The following TMEM8B variants were observed in gnomAD, a reference collection of about 807,000 sequenced individuals.
The protein encoded by TMEM8B is transmembrane protein 8B.
In TMEM8B, 29 loss-of-function variants were observed where a neutral mutation model predicts 49.3. The ratio of observed to expected loss-of-function variants is 0.59; its 90% CI spans 0.44 to 0.80. The LOEUF (loss-of-function observed/expected upper bound fraction) is 0.80. Among genes scored for constraint, TMEM8B ranks in the 30% least tolerant of loss-of-function variants. The pLI is 0.00. For missense variants in TMEM8B, 575 were observed against 658.5 expected (o/e 0.87, Z 1.39); for synonymous variants, 264 against 272.8 (o/e 0.97, Z 0.32).
intron 10 of TMEM8B, among the ~76,000 whole-genome samples, chr9:35,847,592 G>A (rs1831730997): frequency 6.6e-6 from 1 of 152,140 alleles, no homozygotes; most frequent in South Asian, 2.1e-4. Context: ...TCTCTATTGG[G>A]GGATTATAGG....
chr9:35,846,269 G>A lies in TMEM8B; in HGVS notation c.1741G>A (p.Gly581Ser). 1 of 1,614,184 alleles carries A rather than the reference G, an allele frequency of 6.2e-7. No homozygotes were observed. Among genetic ancestry groups the A allele is most frequent in the Non-Finnish European group, 8.5e-7 (1 of 1,180,032 alleles). The change falls in exon 8 of 13, where the codon GGC (glycine) becomes AGC (serine). Residue 581 changes from glycine (G) to serine (S), a missense_variant. Coordinates refer to ENST00000643932, the MANE Select transcript of TMEM8B (RefSeq NM_001042590.4). ...AVTCSKESLA[G>S]FLLSVSATTR... The stretch of plus-strand genomic sequence containing the variant: ...CCTTCTCCCTTCAGAGTCCCTGGCC[G>A]GCTTCCTCCTCTCTGTCAGTGCCAC...
At position 35,855,478 on chromosome 9, in the gene TMEM8B, C is replaced by T. The variant is rs943472214; in HGVS notation, c.*1638C>T. On this transcript the variant is annotated 3_prime_UTR_variant, in exon 13 of 13. Transcript: ENST00000643932. Reference sequence around the variant, plus strand: ...GTGCGATCTCAGCTCACTGCAACCTCTGCCTCCCGGGTTCAAGTGATTCTC... The same window carrying T: ...GTGCGATCTCAGCTCACTGCAACCTTTGCCTCCCGGGTTCAAGTGATTCTC... 1 of 152,248 alleles carries T rather than the reference C, an allele frequency of 6.6e-6. No homozygotes were observed. Among genetic ancestry groups the T allele is most frequent in the African/African-American group, 2.4e-5 (1 of 41,396 alleles). 9.4% of individuals were successfully genotyped at this position (152,248 alleles called of 1,614,324 possible).
In TMEM8B at chr9:35,865,402, C is replaced by G. The variant is rs934812366; in HGVS notation, c.*11562C>G. 2 of 152,108 alleles carry G rather than the reference C, an allele frequency of 1.3e-5. No homozygotes were observed. The highest frequency in any genetic ancestry group is 4.1e-4 in the South Asian group (2 of 4,826). The allele number at this position is 152,108 out of a possible 1,614,324, so 9.4% of individuals were successfully genotyped here. ...TTACAGATTTCTTTATTCCTGTTCC[C>G]TCCCCTCCCCTTCCTGTCCTTTCAC... On this transcript the variant is annotated 3_prime_UTR_variant, in exon 13 of 13. Transcript: ENST00000643932.
At chr9:35,839,413 G>A (rs777315351) in intron 3 of TMEM8B, among the ~76,000 whole-genome samples, 11 of 152,076 alleles carry the variant, frequency 7.2e-5, no homozygotes, top group Non-Finnish European at 1.3e-4. Context: ...CCTGACTTCC[G>A]GTGCTCTTTC....
chr9:35,831,106 A>T (rs2132196984), intron 1 of TMEM8B, among the ~76,000 whole-genome samples: 1 of 152,324 alleles, frequency 6.6e-6, no homozygotes, highest in Non-Finnish European at 1.5e-5. Flanking sequence ...AAACTTAAGG[A>T]GACGAATGCA....
At chr9:35,839,630 C>T (rs1248087539) in intron 3 of TMEM8B, among the ~76,000 whole-genome samples, 1 of 152,244 alleles carries the variant, frequency 6.6e-6, no homozygotes, top group Non-Finnish European at 1.5e-5. Flanking sequence ...AGTGTTCCTT[C>T]CCTGGACTGT....
At chr9:35,845,952 A>G (rs1831488988) in intron 6 of TMEM8B, 23 bp from the exon 7 acceptor site, 6 of 1,613,488 alleles carry the variant, frequency 3.7e-6, no homozygotes, top group Non-Finnish European at 5.1e-6. Context: ...TGGCGGCCTC[A>G]CTTCCATACC....
intron 3 of TMEM8B, among the ~76,000 whole-genome samples, chr9:35,840,465 A>G (rs1352112872): frequency 2.0e-5 from 3 of 152,178 alleles, no homozygotes; most frequent in South Asian, 2.1e-4. Context: ...GTCTGGAGGA[A>G]CAAACATCAA....
In TMEM8B at chr9:35,829,752, C is replaced by T. The variant is rs912295569; in HGVS notation, c.305C>T (p.Pro102Leu). Reference sequence around the variant, plus strand: ...CCCTTCCTTCCATCCCACTCCCTGCCCTTGTTCAAGCCCCAGTGTCCAGCC... The same window carrying T: ...CCCTTCCTTCCATCCCACTCCCTGCTCTTGTTCAAGCCCCAGTGTCCAGCC... The part of the protein sequence containing the change: ...SQPFLPSHSL[P>L]LFKPQCPAQP... Residue 102 changes from proline to leucine, a missense_variant, in exon 1 of 13, where the codon CCC becomes CTC. By Grantham distance (98) the Pro-to-Leu change is moderately conservative (BLOSUM62 -3). Coordinates refer to ENST00000643932, the MANE Select transcript of TMEM8B (RefSeq NM_001042590.4). 8.0e-5 allele frequency: 33 copies of T among 413,648 alleles called. No individual in the cohort carries two copies. The highest frequency in any genetic ancestry group is 5.7e-4 in the African/African-American group (28 of 48,744). The allele number at this position is 413,648 out of a possible 1,614,324, so 25.6% of individuals were successfully genotyped here.
intron 10 of TMEM8B, among the ~76,000 whole-genome samples, chr9:35,850,097 A>G (rs1831998150): frequency 6.6e-6 from 1 of 152,260 alleles, no homozygotes; most frequent in Non-Finnish European, 1.5e-5. Flanking sequence ...AAATGAAAGC[A>G]GAAAACAGGA....
In TMEM8B at chr9:35,859,161, T is replaced by G. The variant is rs1832606178; in HGVS notation, c.*5321T>G. The G allele has an allele frequency of 1.3e-5, 2 of 154,710 alleles. No homozygotes were observed. Among genetic ancestry groups the G allele is most frequent in the Non-Finnish European group, 2.9e-5 (2 of 68,916 alleles). 9.6% of individuals were successfully genotyped at this position (154,710 alleles called of 1,614,324 possible). A position where few individuals can be genotyped will look rare whatever the true frequency, so the allele number is the denominator to read the frequency against. On this transcript the variant is annotated 3_prime_UTR_variant, in exon 13 of 13. Coordinates refer to ENST00000643932, the MANE Select transcript of TMEM8B (RefSeq NM_001042590.4). ...GTTCAGCGAGGGCGTCACAACCCCG[T>G]AGAACAATGCGACAGTCTTATCCAC... is the stretch of plus-strand genomic sequence containing the variant.
intron 1 of TMEM8B, among the ~76,000 whole-genome samples, chr9:35,830,525 G>A (rs1829769032): frequency 1.3e-5 from 2 of 152,180 alleles, no homozygotes; most frequent in Admixed American, 1.3e-4. Flanking sequence ...GCTGAAACTC[G>A]GAGGCTATTT....
At chr9:35,845,730 G>A in intron 6 of TMEM8B, 3 of 985,472 alleles carry the variant, frequency 3.0e-6, no homozygotes, top group Non-Finnish European at 3.6e-6. Context: ...TCTGCCCAAA[G>A]AACAGATTCA....
chr9:35,834,600 G>C lies in TMEM8B; in HGVS notation c.648G>C (p.Lys216Asn). Reference sequence around the variant, plus strand: ...CTGTTTGGAACCTCATCATCTTCAAGGAGCAAGGGGGAACTTTTGGGGACC... The same window carrying C: ...CTGTTTGGAACCTCATCATCTTCAACGAGCAAGGGGGAACTTTTGGGGACC... The part of the protein sequence containing the change: ...FLAVWNLIIF[K>N]EQGGTFGDHC... Residue 216 changes from lysine to asparagine, a missense_variant, in exon 2 of 13, where the codon AAG becomes AAC. By Grantham distance (94) the Lys-to-Asn change is moderately conservative. Coordinates refer to ENST00000643932, the MANE Select transcript of TMEM8B (RefSeq NM_001042590.4). 2.4e-6 allele frequency: 1 copy of C among 415,950 alleles called. No individual in the cohort carries two copies. The highest frequency in any genetic ancestry group is 4.4e-5 in the Admixed American group (1 of 22,742). The allele number at this position is 415,950 out of a possible 1,614,324, so 25.8% of individuals were successfully genotyped here.
rs11392556 is a variant in TMEM8B at position 35,858,108 on chromosome 9, C to CT, written c.*4282dup. ...GCTGTTCCATTTTTTTTCTTTCTTTCTTTTTTTTTTTTTTGAGACGGAGTC... is the reference window on the plus strand; with the variant it reads ...GCTGTTCCATTTTTTTTCTTTCTTTCTTTTTTTTTTTTTTTGAGACGGAGTC... On this transcript the variant is annotated 3_prime_UTR_variant, in exon 13 of 13. Coordinates refer to ENST00000643932, the MANE Select transcript of TMEM8B (RefSeq NM_001042590.4). 0.64 allele frequency: 90,244 copies of CT among 141,966 alleles called. 29,031 individuals are homozygous for CT. Among genetic ancestry groups the CT allele is most frequent in the Middle Eastern group, 0.73 (205 of 282 alleles). 8.8% of individuals were successfully genotyped at this position (141,966 alleles called of 1,614,324 possible).
At position 35,842,645 on chromosome 9, in the gene TMEM8B, C is replaced by T. The variant is rs376436651; in HGVS notation, c.1563C>T (p.Ala521=). 37 of 1,614,096 alleles carry T rather than the reference C, an allele frequency of 2.3e-5. No homozygotes were observed. The highest frequency in any genetic ancestry group is 1.1e-4 in the African/African-American group (8 of 74,952). The change falls in exon 6 of 13, where the codon GCC becomes GCT. Residue 521 remains alanine (A), a synonymous_variant. Transcript: ENST00000643932. This position sits in a 1 kb window ranked among gnomAD's most constrained non-coding sequence, Gnocchi z 5.6. ...PSVALPPERP[A]VFAMRLLPVL... ...TGGCCCTTCCCCCTGAGCGCCCAGC[C>T]GTGTTCGCCATGAGGCTGTTGCCAG... is the stretch of plus-strand genomic sequence containing the variant.
At position 35,853,288 on chromosome 9, in the gene TMEM8B, T is replaced by C; in HGVS notation, c.2439+31T>C. 1.9e-6 allele frequency: 3 copies of C among 1,579,146 alleles called. No individual in the cohort carries two copies. Among genetic ancestry groups the C allele is most frequent in the Non-Finnish European group, 2.6e-6 (3 of 1,149,404 alleles). On this transcript the variant is annotated intron_variant, in intron 12 of 12. Transcript: ENST00000643932. This position sits in a 1 kb window ranked among gnomAD's most constrained non-coding sequence, Gnocchi z 4.2. ...GGTGGGGAGGGATGTGGGGGGAGGG[T>C]CCCAGCAGGACTTGGGTGCTGGGCC... is the stretch of plus-strand genomic sequence containing the variant.
At chr9:35,844,636 C>T (rs1831341576) in intron 6 of TMEM8B, among the ~76,000 whole-genome samples, 1 of 152,246 alleles carries the variant, frequency 6.6e-6, no homozygotes, top group Non-Finnish European at 1.5e-5. Context: ...TGCTTATTGC[C>T]ATGCCTCTGG....
Position 35,846,620 on chromosome 9 carries a change from G to C in TMEM8B, c.1996+9G>C. ...CTGCGAGTGCAAGGCCGGTGAGCAG[G>C]CTGGCGAGGGAGCGGGCTGCGGTGG... On this transcript the variant is annotated intron_variant, in intron 9 of 12. Transcript: ENST00000643932. 6.4e-7 allele frequency: 1 copy of C among 1,574,338 alleles called. No homozygotes were observed. The highest frequency in any genetic ancestry group is 8.6e-7 in the Non-Finnish European group (1 of 1,159,142).
Sources: allele counts gnomAD v4.1 joint callset (sites outside exome capture counted in the v4.1 genomes callset), GRCh38; gene constraint gnomAD v4.1.1; non-coding constraint Gnocchi (gnomAD v3.1); transcripts MANE v1.5; gene names NCBI Gene and HGNC (gene_info 2026-07-23, HGNC 2026-07-21).